Variants in RBKS observed in about 807,000 individuals in gnomAD.
The protein encoded by RBKS is ribokinase.
In RBKS, 33 loss-of-function variants were observed where a neutral mutation model predicts 33.9. The observed-to-expected ratio is 0.97, with a 90% confidence interval of 0.74 to 1.30. The LOEUF is 1.30. Ranked by LOEUF, RBKS falls within the 50% of genes most tolerant of loss-of-function variation. The pLI is 0.00. For missense variants in RBKS, 361 were observed against 392.6 expected (o/e 0.92, Z 0.68); for synonymous variants, 125 against 143.0 (o/e 0.87, Z 0.90).
At chr2:27,807,118 AAAC>A (rs1158200285) in intron 7 of RBKS, among the ~76,000 whole-genome samples, 1 of 152,226 alleles carries the variant, frequency 6.6e-6, no homozygotes, top group African/African-American at 2.4e-5. Context: ...AAGGTTCTGA[AAAC>A]AACATGTGGT....
chr2:27,819,445 G>A (rs897732010), intron 7 of RBKS, among the ~76,000 whole-genome samples: 5 of 152,136 alleles, frequency 3.3e-5, no homozygotes, highest in African/African-American at 1.2e-4. Context: ...TGGTGGGAAC[G>A]CAATTCAGTC....
At chr2:27,889,751 C>CA (rs1184812359) in intron 1 of RBKS, among the ~76,000 whole-genome samples, 1 of 152,158 alleles carries the variant, frequency 6.6e-6, no homozygotes, top group African/African-American at 2.4e-5. Context: ...TGAAAGGTGA[C>CA]AGTCTTTTTG....
chr2:27,799,752 G>A (rs1164525906), intron 7 of RBKS, among the ~76,000 whole-genome samples: 1 of 152,220 alleles, frequency 6.6e-6, no homozygotes, highest in East Asian at 1.9e-4. Flanking sequence ...CTGGGTTTAG[G>A]TCAGAATTTC....
chr2:27,818,064 A>G (rs140028322), intron 7 of RBKS, among the ~76,000 whole-genome samples: 33 of 152,242 alleles, frequency 2.2e-4, no homozygotes, highest in African/African-American at 7.7e-4. Context: ...ATACTAATAT[A>G]CAGAGCCAAG....
In RBKS at chr2:27,788,444, G is replaced by A. The variant is rs189065676; in HGVS notation, c.796-6656C>T. 7.0e-3 allele frequency among the ~76,000 whole-genome samples: 1,062 copies of A among 152,286 alleles called. 7 individuals carry two copies. Among genetic ancestry groups the A allele is most frequent in the Non-Finnish European group, 0.011 (725 of 68,022 alleles). On this transcript the variant is annotated intron_variant, in intron 7 of 7. Coordinates refer to ENST00000302188, the MANE Select transcript of RBKS (RefSeq NM_022128.3). ...ACTGCAGCCAGGCGCGGTGGCTCAC[G>A]CCTGTAATCCCAGCACTTTCGGAGG...
intron 7 of RBKS, among the ~76,000 whole-genome samples, chr2:27,805,168 C>T (rs1349411722): frequency 6.6e-6 from 1 of 152,166 alleles, no homozygotes; most frequent in Non-Finnish European, 1.5e-5. Context: ...CCATAAAATA[C>T]ACTAACGATA....
At chr2:27,874,690 T>A (rs543660916) in intron 1 of RBKS, among the ~76,000 whole-genome samples, 1 of 152,364 alleles carries the variant, frequency 6.6e-6, no homozygotes, top group South Asian at 2.1e-4. Flanking sequence ...ACATTCACTC[T>A]ACTTCATAGT....
chr2:27,842,955 AAAG>A, intron 5 of RBKS, 109 bp downstream of exon 5: 1 of 774,166 alleles, frequency 1.3e-6, no homozygotes, highest in Non-Finnish European at 1.9e-6. Context: ...CAGATGGAAG[AAAG>A]AATATTTTAC....
At chr2:27,876,333 A>G (rs911052110) in intron 1 of RBKS, among the ~76,000 whole-genome samples, 1 of 152,214 alleles carries the variant, frequency 6.6e-6, no homozygotes, top group Non-Finnish European at 1.5e-5. Flanking sequence ...ATGCTACAAC[A>G]TGGATAAACT....
chr2:27,783,938 A>G (rs1445721534), intron 7 of RBKS, among the ~76,000 whole-genome samples: 2 of 147,648 alleles, frequency 1.4e-5, no homozygotes, highest in Non-Finnish European at 3.0e-5. Context: ...AAAAAAGAAA[A>G]ACCATTCTTG....
intron 4 of RBKS, among the ~76,000 whole-genome samples, chr2:27,846,187 TGA>T (rs1663616491): frequency 6.6e-6 from 1 of 152,210 alleles, no homozygotes; most frequent in South Asian, 2.1e-4. Context: ...AGGCTGGTCT[TGA>T]ACTCCTGACC....
At chr2:27,792,477 G>A (rs912838545) in intron 7 of RBKS, among the ~76,000 whole-genome samples, 1 of 152,212 alleles carries the variant, frequency 6.6e-6, no homozygotes, top group Non-Finnish European at 1.5e-5. Flanking sequence ...TTTCCTTTCT[G>A]ACCAAAAGCA....
chr2:27,785,773 AAAG>A (rs1423969100), intron 7 of RBKS, among the ~76,000 whole-genome samples: 2 of 151,886 alleles, frequency 1.3e-5, no homozygotes, highest in Non-Finnish European at 1.5e-5. Context: ...AAAAAAAAAA[AAAG>A]AAAGAAAGAA....
chr2:27,856,137 T>C (rs1464064483), intron 2 of RBKS, among the ~76,000 whole-genome samples: 1 of 152,262 alleles, frequency 6.6e-6, no homozygotes, highest in African/African-American at 2.4e-5. Context: ...GAGAATATTA[T>C]GCAATTTGCT....
Position 27,837,588 on chromosome 2 carries a change from A to G in RBKS, c.515-4811T>C, listed in dbSNP as rs1382548591. 1.3e-5 allele frequency among the ~76,000 whole-genome samples: 2 copies of G among 152,206 alleles called. No individual in the cohort carries two copies. The highest frequency in any genetic ancestry group is 2.9e-5 in the Non-Finnish European group (2 of 68,032). ...ATGGAATCAACCTAGGTGCCCATCA[A>G]TGGTGGACTGGATAAAGAAAATGTG... is the stretch of plus-strand genomic sequence containing the variant. On this transcript the variant is annotated intron_variant, in intron 5 of 7. Coordinates refer to ENST00000302188, the MANE Select transcript of RBKS (RefSeq NM_022128.3). This position sits in a 1 kb window ranked among gnomAD's most constrained non-coding sequence, Gnocchi z 4.0.
intron 7 of RBKS, among the ~76,000 whole-genome samples, chr2:27,813,777 T>C (rs1008855955): frequency 1.3e-5 from 2 of 152,072 alleles, no homozygotes; most frequent in Admixed American, 6.6e-5. Context: ...TTTTTCAGAA[T>C]TGATGAAAAA....
chr2:27,843,132 A>G lies in RBKS; in HGVS notation c.449T>C (p.Val150Ala), dbSNP rs774710146. ...ANVISRAKVM[V>A]CQLEITPATS... ...TGCTGGAGTTATTTCGAGCTGGCAG[A>G]CCATGACTTTGGCTCTGCTAATGAC... The change falls in exon 5 of 8, where the codon GTC becomes GCC. Residue 150 changes from valine to alanine, a missense_variant. Physicochemically the swap from Val to Ala is moderately conservative, Grantham distance 64. Transcript: ENST00000302188. 4 of 1,611,782 alleles carry G rather than the reference A, an allele frequency of 2.5e-6. No individual in the cohort carries two copies. In the African/African-American group the frequency reaches 5.3e-5, roughly 22 times the overall value.
At chr2:27,840,345 C>CAT (rs1178538604) in intron 5 of RBKS, among the ~76,000 whole-genome samples, 3 of 136,188 alleles carry the variant, frequency 2.2e-5, no homozygotes, top group African/African-American at 3.2e-5. Context: ...CACACACACA[C>CAT]ACACACACAC....
chr2:27,789,995 A>G (rs1341625900), intron 7 of RBKS, among the ~76,000 whole-genome samples: 5 of 147,004 alleles, frequency 3.4e-5, no homozygotes. Flanking sequence ...GTAGAGAGAG[A>G]GAGAGAGAGA....
Sources: gnomAD v4.1 joint callset for allele counts (sites outside exome capture counted in the v4.1 genomes callset) on GRCh38, gnomAD v4.1.1 for gene constraint, Gnocchi (gnomAD v3.1) non-coding constraint, MANE v1.5 for transcripts, NCBI Gene and HGNC (gene_info 2026-07-23, HGNC 2026-07-21) for gene names.